The following CHM variants were observed in gnomAD, a reference collection of about 807,000 sequenced individuals.
CHM encodes CHM Rab escort protein.
In CHM, 10 loss-of-function variants were observed where a neutral mutation model predicts 49.0. The observed-to-expected ratio is 0.20, with a 90% CI of 0.13 to 0.35. The LOEUF is 0.35. CHM is among the 10% of genes least tolerant of loss of function. CHM has a pLI of 1.00. For synonymous variants in CHM, 184 were observed against 167.5 expected, an observed-to-expected ratio of 1.10 and a Z score of -0.76; for missense variants, 455 against 478.4, an observed-to-expected ratio of 0.95 and a Z score of 0.46.
At chrX:86,021,126 GTATATATATATATATATATA>G (rs3078128) in intron 2 of CHM, among the ~76,000 whole-genome samples, 6 of 55,975 alleles carry the variant, frequency 1.1e-4, no homozygotes, top group Admixed American at 1.0e-3. Flanking sequence ...GTGTATATAC[GTATATATATATATATATATA>G]TATATATATA....
chrX:86,017,852 A>C (rs901008458), intron 2 of CHM, among the ~76,000 whole-genome samples: 1 of 112,358 alleles, frequency 8.9e-6, no homozygotes, highest in Admixed American at 9.4e-5. Context: ...AGAACATATA[A>C]AGCAAAAATT....
At chrX:85,873,814 T>TA (rs1277518274) in intron 13 of CHM, among the ~76,000 whole-genome samples, 1 of 111,712 alleles carries the variant, frequency 9.0e-6, no homozygotes, top group Non-Finnish European at 1.9e-5. Context: ...AAGTTATTAT[T>TA]AAAAAAATAG....
intron 4 of CHM, among the ~76,000 whole-genome samples, chrX:85,972,020 C>G (rs1034552914): frequency 4.6e-5 from 5 of 109,736 alleles, no homozygotes; most frequent in Non-Finnish European, 7.6e-5. Flanking sequence ...CAAAGGTTCT[C>G]CAAGGCCCCA....
Position 85,949,978 on chromosome X carries a change from A to AATATATATATATATATATATATATATAT in CHM, c.1166+6147_1166+6174dup, listed in dbSNP as rs200318878. On this transcript the variant is annotated intron_variant, in intron 8 of 14. Coordinates refer to ENST00000357749, the MANE Select transcript of CHM (RefSeq NM_000390.4). Reference sequence around the variant, plus strand: ...CTTTGAGCAATAAACACTGAAATTAAATATATATATATATATATATATATA... The same window carrying AATATATATATATATATATATATATATAT: ...CTTTGAGCAATAAACACTGAAATTAAATATATATATATATATATATATATATATATATATATATATATATATATATATA... Among the ~76,000 whole-genome samples the AATATATATATATATATATATATATATAT allele has an allele frequency of 1.3e-3, 54 of 42,767 alleles. 1 individual carries two copies. Among genetic ancestry groups the AATATATATATATATATATATATATATAT allele is most frequent in the African/African-American group, 2.6e-3 (32 of 12,174 alleles). The allele number at this position is 42,767 out of a possible 115,157, so 37.1% of individuals were successfully genotyped here. A position where few individuals can be genotyped will look rare whatever the true frequency, so the allele number is the denominator to read the frequency against.
chrX:85,974,346 T>C (rs1215745126), intron 4 of CHM, among the ~76,000 whole-genome samples: 1 of 111,710 alleles, frequency 9.0e-6, no homozygotes, highest in Non-Finnish European at 1.9e-5. Flanking sequence ...ATTAAAGTAA[T>C]TGTTATCAAA....
At chrX:86,020,532 T>C (rs1933491323) in intron 2 of CHM, among the ~76,000 whole-genome samples, 1 of 107,340 alleles carries the variant, frequency 9.3e-6, no homozygotes, top group African/African-American at 3.4e-5. Context: ...AATATTACTA[T>C]ATATATTGCA....
intron 9 of CHM, among the ~76,000 whole-genome samples, chrX:85,908,568 T>C (rs1461312910): frequency 2.7e-5 from 3 of 111,902 alleles, no homozygotes; most frequent in South Asian, 3.7e-4. Context: ...AGTGAGAATA[T>C]TGTAGATGAC....
chrX:85,980,163 T>C (rs2147708781), intron 3 of CHM, among the ~76,000 whole-genome samples: 1 of 109,227 alleles, frequency 9.2e-6, no homozygotes, highest in African/African-American at 3.3e-5. Flanking sequence ...GTATATTTTG[T>C]TATTGTTGTT....
intron 8 of CHM, among the ~76,000 whole-genome samples, chrX:85,943,847 A>T (rs1271182135): frequency 1.8e-5 from 2 of 111,749 alleles, no homozygotes; most frequent in East Asian, 5.6e-4. Flanking sequence ...AAATTAGACA[A>T]CCAGTCAAAA....
At chrX:85,901,273 T>A in intron 9 of CHM, 85 bp from the exon 10 acceptor site, 1 of 600,920 alleles carries the variant, frequency 1.7e-6, no homozygotes, top group East Asian at 3.8e-5. Flanking sequence ...ATTTTGAATC[T>A]AAAATGAATT....
intron 1 of CHM, among the ~76,000 whole-genome samples, chrX:86,040,440 G>C (rs1042638704): frequency 4.8e-4 from 54 of 112,284 alleles, no homozygotes; most frequent in African/African-American, 1.6e-3. Flanking sequence ...GTTCACTCAC[G>C]TGCTCCCTCC....
Position 86,046,475 on chromosome X carries a change from C to T in CHM, c.49+1009G>A, listed in dbSNP as rs1027552770. On this transcript the variant is annotated intron_variant, in intron 1 of 14. Coordinates refer to ENST00000357749, the MANE Select transcript of CHM (RefSeq NM_000390.4). ...AAACAGGTAGCTATTATTTTTACTC[C>T]CAACCTGAAAACATGGCTGCTCCTA... Among the ~76,000 whole-genome samples, 3 of 111,829 alleles carry T rather than the reference C, an allele frequency of 2.7e-5. No homozygotes were observed. The Admixed American group carries it at 2.8e-4, about 11-fold the overall frequency.
intron 8 of CHM, among the ~76,000 whole-genome samples, chrX:85,952,966 G>T (rs755308903): frequency 2.8e-4 from 31 of 112,629 alleles, no homozygotes; most frequent in Middle Eastern, 4.6e-3. Context: ...TGGCCACTGG[G>T]AGAGGCTGAG....
intron 8 of CHM, among the ~76,000 whole-genome samples, chrX:85,911,880 T>C (rs1241442220): frequency 9.0e-6 from 1 of 111,258 alleles, no homozygotes; most frequent in African/African-American, 3.3e-5. Flanking sequence ...ATCTCAGTAG[T>C]AATCTAAGTG....
chrX:85,971,066 A>G, intron 4 of CHM: 6 of 607,326 alleles, frequency 9.9e-6, no homozygotes, highest in Non-Finnish European at 1.2e-5. Context: ...TAACTATCCT[A>G]TATATTTATA....
chrX:85,916,015 G>T (rs1927431280), intron 8 of CHM, among the ~76,000 whole-genome samples: 1 of 111,849 alleles, frequency 8.9e-6, no homozygotes, highest in Non-Finnish European at 1.9e-5. Context: ...AAAAGAACTA[G>T]GCTGGAGGCA....
At chrX:85,895,301 A>ATTTTT in intron 11 of CHM, among the ~76,000 whole-genome samples, 1 of 96,276 alleles carries the variant, frequency 1.0e-5, no homozygotes, top group African/African-American at 3.8e-5. Context: ...ACACCTGGCT[A>ATTTTT]TTTTTTTTTT....
chrX:85,951,817 G>A (rs1929762814), intron 8 of CHM, among the ~76,000 whole-genome samples: 1 of 112,617 alleles, frequency 8.9e-6, no homozygotes, highest in Non-Finnish European at 1.9e-5. Flanking sequence ...ACTGAAGGAG[G>A]CACTGAAGAC....
At chrX:85,948,359 A>T (rs1929534733) in intron 8 of CHM, among the ~76,000 whole-genome samples, 1 of 112,213 alleles carries the variant, frequency 8.9e-6, no homozygotes, top group Non-Finnish European at 1.9e-5. Context: ...GGAAAACTGT[A>T]AAGCTTGCTA....
Sources: gnomAD v4.1 joint callset for allele counts (sites outside exome capture counted in the v4.1 genomes callset) on GRCh38, gnomAD v4.1.1 for gene constraint, MANE v1.5 for transcripts, NCBI Gene and HGNC (gene_info 2026-07-23, HGNC 2026-07-21) for gene names.